Variants in EXOC6B observed in about 807,000 individuals in gnomAD.
The protein encoded by EXOC6B is exocyst complex component 6B.
EXOC6B carries 54 observed loss-of-function variants against 113.5 expected under a neutral mutation model. That is an observed-to-expected ratio of 0.48 (90% CI 0.38 to 0.60). The LOEUF is 0.60. Among genes scored for constraint, EXOC6B ranks in the 20% least tolerant of loss-of-function variants. EXOC6B has a pLI of 0.00. For synonymous variants in EXOC6B, 357 were observed against 339.0 expected (o/e 1.05, Z -0.58); for missense variants, 797 against 977.5 (o/e 0.82, Z 2.46).
intron 21 of EXOC6B, chr2:72,182,851 G>A (rs1255980402): frequency 8.3e-7 from 1 of 1,211,108 alleles, no homozygotes; most frequent in Non-Finnish European, 1.0e-6. Context: ...AGAAGGACTT[G>A]CCTCAAAGTG....
intron 1 of EXOC6B, among the ~76,000 whole-genome samples, chr2:72,748,377 T>G (rs888050673): frequency 6.6e-6 from 1 of 152,074 alleles, no homozygotes; most frequent in Non-Finnish European, 1.5e-5. Context: ...GTGCATGATG[T>G]TGAAAGAGAA....
chr2:72,277,028 C>A (rs572466251), intron 20 of EXOC6B, among the ~76,000 whole-genome samples: 9 of 152,262 alleles, frequency 5.9e-5, no homozygotes, highest in Non-Finnish European at 8.8e-5. Flanking sequence ...AGTAGTATAA[C>A]AGCCCCTTTC....
At chr2:72,505,841 A>G (rs1198667767) in intron 11 of EXOC6B, among the ~76,000 whole-genome samples, 1 of 152,102 alleles carries the variant, frequency 6.6e-6, no homozygotes, top group Non-Finnish European at 1.5e-5. Context: ...AAATTTTACC[A>G]TAAGTTTATT....
chr2:72,750,611 C>T (rs1259551711), intron 1 of EXOC6B, among the ~76,000 whole-genome samples: 1 of 152,050 alleles, frequency 6.6e-6, no homozygotes, highest in Non-Finnish European at 1.5e-5. Context: ...GTAAACTTGC[C>T]TATCTGGTGT....
At chr2:72,704,882 C>T (rs1490606321) in intron 6 of EXOC6B, among the ~76,000 whole-genome samples, 4 of 150,626 alleles carry the variant, frequency 2.7e-5, no homozygotes, top group Non-Finnish European at 4.4e-5. Flanking sequence ...GATTCACAGC[C>T]GAATTCTACC....
rs554827697 is a variant in EXOC6B at position 72,294,272 on chromosome 2, T to C, written c.2196+40675A>G. Among the ~76,000 whole-genome samples, 18 of 152,270 alleles carry C rather than the reference T, an allele frequency of 1.2e-4. No individual in the cohort carries two copies. In the East Asian group the frequency reaches 3.5e-3, roughly 29 times the overall value. On this transcript the variant is annotated intron_variant, in intron 20 of 21. Transcript: ENST00000272427. ...GGCCTAAGAATTTAATGAACAATTA[T>C]GTATTGTTTACCCTCCAAAGTTAAT... is the stretch of plus-strand genomic sequence containing the variant.
intron 7 of EXOC6B, among the ~76,000 whole-genome samples, chr2:72,572,692 T>C (rs570592488): frequency 7.9e-4 from 121 of 152,300 alleles, no homozygotes; most frequent in Middle Eastern, 6.8e-3. Context: ...AACGTCACAG[T>C]GGGTCACGAA....
intron 20 of EXOC6B, among the ~76,000 whole-genome samples, chr2:72,273,707 T>G (rs111874937): frequency 0.03 from 4,539 of 152,152 alleles, 214 homozygotes; most frequent in African/African-American, 0.1. Flanking sequence ...AAAATTAAAC[T>G]GGAAAGGCAG....
rs545726333 is a variant in EXOC6B at position 72,712,885 on chromosome 2, A to G, written c.669+5218T>C. 2.0e-5 allele frequency among the ~76,000 whole-genome samples: 3 copies of G among 152,292 alleles called. 1 individual carries two copies. In the East Asian group the frequency reaches 5.8e-4, roughly 29 times the overall value. ...CTATCTAAAGACCTTTAGATTTTAA[A>G]CCACATGCAATTAAAGAAAAAGAGC... On this transcript the variant is annotated intron_variant, in intron 6 of 21. Coordinates refer to ENST00000272427, the MANE Select transcript of EXOC6B (RefSeq NM_015189.3).
At chr2:72,809,495 T>C (rs780635758) in intron 1 of EXOC6B, among the ~76,000 whole-genome samples, 10 of 152,072 alleles carry the variant, frequency 6.6e-5, no homozygotes, top group Non-Finnish European at 1.2e-4. Flanking sequence ...AAGGTCATTA[T>C]ACAATGAAAT....
chr2:72,806,050 T>A (rs576241391), intron 1 of EXOC6B, among the ~76,000 whole-genome samples: 1 of 152,284 alleles, frequency 6.6e-6, no homozygotes, highest in Admixed American at 6.5e-5. Flanking sequence ...ACTTTCATTT[T>A]AGATTCAGGG....
At chr2:72,252,125 A>G (rs1683061965) in intron 20 of EXOC6B, among the ~76,000 whole-genome samples, 1 of 152,166 alleles carries the variant, frequency 6.6e-6, no homozygotes, top group Non-Finnish European at 1.5e-5. Flanking sequence ...TTATCTTTCA[A>G]TTATTCTACT....
At chr2:72,379,316 C>A (rs1366063229) in intron 19 of EXOC6B, among the ~76,000 whole-genome samples, 1 of 152,170 alleles carries the variant, frequency 6.6e-6, no homozygotes, top group Non-Finnish European at 1.5e-5. Flanking sequence ...CTAATTAATG[C>A]ACATACCATT....
At chr2:72,311,722 A>G (rs907460524) in intron 20 of EXOC6B, among the ~76,000 whole-genome samples, 2 of 152,212 alleles carry the variant, frequency 1.3e-5, no homozygotes, top group African/African-American at 4.8e-5. Context: ...TCTGCCACAC[A>G]CACACACAAA....
rs1341797229 is a variant in EXOC6B at position 72,379,832 on chromosome 2, C to T, written c.2019G>A (p.Lys673=). The T allele has an allele frequency of 1.9e-6, 3 of 1,612,904 alleles. No homozygotes were observed. Among genetic ancestry groups the T allele is most frequent in the Non-Finnish European group, 2.5e-6 (3 of 1,179,438 alleles). The change falls in exon 19 of 22, where the codon AAG becomes AAA. Residue 673 remains lysine (K), a synonymous_variant. Transcript: ENST00000272427. The part of the protein sequence containing the change: ...VAQTACMSAC[K]HLATSLMQLL... Reference sequence around the variant, plus strand: ...GTTGCATCAAGGATGTGGCTAAATGCTTGCAAGCTGACATACACGCTGTCT... The same window carrying T: ...GTTGCATCAAGGATGTGGCTAAATGTTTGCAAGCTGACATACACGCTGTCT...
At chr2:72,211,827 A>C (rs758851989) in intron 20 of EXOC6B, among the ~76,000 whole-genome samples, 15 of 152,142 alleles carry the variant, frequency 9.9e-5, no homozygotes, top group Non-Finnish European at 1.9e-4. Flanking sequence ...TTGTATATCA[A>C]TTTGGTTTAC....
chr2:72,343,526 T>C (rs968982159), intron 19 of EXOC6B, among the ~76,000 whole-genome samples: 8 of 152,332 alleles, frequency 5.3e-5, no homozygotes, highest in African/African-American at 1.9e-4. Flanking sequence ...CATTTGTTCA[T>C]ATGGCTTCAA....
intron 18 of EXOC6B, among the ~76,000 whole-genome samples, chr2:72,458,971 C>A (rs748335503): frequency 1.3e-5 from 2 of 152,048 alleles, no homozygotes; most frequent in African/African-American, 2.4e-5. Flanking sequence ...CCTCCACATA[C>A]CCCCAGCATT....
chr2:72,346,569 A>C (rs1348191508), intron 19 of EXOC6B, among the ~76,000 whole-genome samples: 2 of 152,198 alleles, frequency 1.3e-5, no homozygotes, highest in Non-Finnish European at 2.9e-5. Context: ...CAAGATTTAA[A>C]AAAACGAAGA....
Sources: allele counts gnomAD v4.1 joint callset (sites outside exome capture counted in the v4.1 genomes callset), GRCh38; gene constraint gnomAD v4.1.1; transcripts MANE v1.5; gene names NCBI Gene and HGNC (gene_info 2026-07-23, HGNC 2026-07-21).